Variants in SOHLH2 observed in about 807,000 individuals in gnomAD.
SOHLH2 encodes the protein spermatogenesis and oogenesis specific basic helix-loop-helix 2.
Under a neutral mutation model 50.4 loss-of-function variants are expected in SOHLH2, and 22 were observed. The observed-to-expected ratio is 0.44, with a 90% CI of 0.31 to 0.62. The LOEUF is 0.62. SOHLH2 is among the 20% of genes least tolerant of loss of function. The pLI is 0.08. For synonymous variants in SOHLH2, 185 were observed against 187.3 expected, an observed-to-expected ratio of 0.99 and a Z score of 0.10; for missense variants, 412 against 504.4, an observed-to-expected ratio of 0.82 and a Z score of 1.76.
At chr13:36,206,186 T>A (rs1241253633) in intron 1 of SOHLH2, among the ~76,000 whole-genome samples, 1 of 152,068 alleles carries the variant, frequency 6.6e-6, no homozygotes, top group Non-Finnish European at 1.5e-5. Flanking sequence ...TCAGTTGCAC[T>A]AGCCATATTT....
At chr13:36,203,434 T>C (rs1868548483) in intron 1 of SOHLH2, among the ~76,000 whole-genome samples, 1 of 152,238 alleles carries the variant, frequency 6.6e-6, no homozygotes, top group Non-Finnish European at 1.5e-5. Flanking sequence ...CCAGTCTTCC[T>C]TATTTTCGAT....
At chr13:36,182,052 A>G (rs1566037795) in intron 6 of SOHLH2, 3 of 982,404 alleles carry the variant, frequency 3.1e-6, no homozygotes, top group Non-Finnish European at 3.6e-6. Flanking sequence ...CCAATAGTAT[A>G]TATTTATTTG....
chr13:36,181,095 C>T (rs892909348), intron 6 of SOHLH2, among the ~76,000 whole-genome samples: 1 of 152,246 alleles, frequency 6.6e-6, no homozygotes, highest in East Asian at 1.9e-4. Flanking sequence ...GAAAAGTTGA[C>T]GCTTGTATCA....
At chr13:36,176,437 C>G (rs1184654455) in intron 6 of SOHLH2, among the ~76,000 whole-genome samples, 1 of 152,138 alleles carries the variant, frequency 6.6e-6, no homozygotes, top group Non-Finnish European at 1.5e-5. Context: ...TAAGAGTCTA[C>G]AGTTAACATT....
intron 9 of SOHLH2, among the ~76,000 whole-genome samples, chr13:36,172,263 T>C (rs1224461871): frequency 2.0e-5 from 3 of 152,196 alleles, no homozygotes; most frequent in Admixed American, 2.0e-4. Context: ...TACAAAAAAA[T>C]AACATTGACA....
chr13:36,168,933 C>A lies in SOHLH2; in HGVS notation c.*101G>T, dbSNP rs1886890025. 1 of 1,521,338 alleles carries A rather than the reference C, an allele frequency of 6.6e-7. No homozygotes were observed. The highest frequency in any genetic ancestry group is 1.4e-5 in the African/African-American group (1 of 71,022). The allele number at this position is 1,521,338 out of a possible 1,614,324, so 94.2% of individuals were successfully genotyped here. ...CATGCCAACTCTTTTGATATTAGGT[C>A]TTTGGGTGGAGCTTTCAAAATCATT... On this transcript the variant is annotated 3_prime_UTR_variant, in exon 11 of 11. Transcript: ENST00000379881.
At chr13:36,201,288 C>A (rs956893463) in intron 2 of SOHLH2, among the ~76,000 whole-genome samples, 1 of 151,988 alleles carries the variant, frequency 6.6e-6, no homozygotes, top group African/African-American at 2.4e-5. Flanking sequence ...TTTAATGATA[C>A]AGTTATTAAA....
chr13:36,183,286 C>T (rs1887310415), intron 6 of SOHLH2: 3 of 208,320 alleles, frequency 1.4e-5, no homozygotes, highest in Admixed American at 4.2e-5. Context: ...AATGGACTAA[C>T]ACAATAACAT....
intron 10 of SOHLH2, among the ~76,000 whole-genome samples, chr13:36,170,099 G>A (rs1291444755): frequency 3.9e-5 from 6 of 152,140 alleles, no homozygotes; most frequent in African/African-American, 1.4e-4. Flanking sequence ...CAGCCTGGCT[G>A]GTGACTGAAA....
chr13:36,170,393 A>T, intron 10 of SOHLH2, 138 bp downstream of exon 10: 1 of 1,400,472 alleles, frequency 7.1e-7, no homozygotes, highest in Non-Finnish European at 9.4e-7. Flanking sequence ...CTTTTCACTC[A>T]TCAGGGTAGA....
rs779157741 is a variant in SOHLH2, at chr13:36,170,542, G to A, written c.1246C>T (p.Pro416Ser). 6.2e-7 allele frequency: 1 copy of A among 1,614,012 alleles called. No individual in the cohort carries two copies. Among genetic ancestry groups the A allele is most frequent in the Non-Finnish European group, 8.5e-7 (1 of 1,179,934 alleles). The change falls in exon 10 of 11, where the codon CCC (proline) becomes TCC (serine). Residue 416 changes from proline (P) to serine (S), a missense_variant. Transcript: ENST00000379881. ...SGLGQTCTTH[P>S]NCLQQFWAY Reference sequence around the variant, plus strand: ...CCCTGGAAACTTACCAGACAGTTGGGATGTGTAGTGCACGTCTGGCCCAAC... The same window carrying A: ...CCCTGGAAACTTACCAGACAGTTGGAATGTGTAGTGCACGTCTGGCCCAAC...
At chr13:36,182,101 TAC>T in intron 6 of SOHLH2, 1 of 985,358 alleles carries the variant, frequency 1.0e-6, no homozygotes, top group Non-Finnish European at 1.2e-6. Flanking sequence ...AGATTTCTAC[TAC>T]AGAGGCAAGA....
At chr13:36,169,367 G>C (rs1350249816) in intron 10 of SOHLH2, among the ~76,000 whole-genome samples, 1 of 151,988 alleles carries the variant, frequency 6.6e-6, no homozygotes, top group Non-Finnish European at 1.5e-5. Context: ...GCAACATTAC[G>C]ATATCTGTAG....
intron 2 of SOHLH2, among the ~76,000 whole-genome samples, chr13:36,196,417 T>C (rs1222346684): frequency 6.6e-6 from 1 of 152,136 alleles, no homozygotes; most frequent in Non-Finnish European, 1.5e-5. Flanking sequence ...AGAGCCACTA[T>C]GCCTAGCCTC....
At chr13:36,202,214 G>A (rs1226165910) in intron 1 of SOHLH2, 121 bp from the exon 2 acceptor site, 3 of 1,250,228 alleles carry the variant, frequency 2.4e-6, no homozygotes, top group Non-Finnish European at 3.3e-6. Context: ...TCCATATCTA[G>A]TCTGACTGGC....
At chr13:36,210,587 G>T (rs1869059550) in intron 1 of SOHLH2, among the ~76,000 whole-genome samples, 2 of 152,068 alleles carry the variant, frequency 1.3e-5, no homozygotes, top group South Asian at 2.1e-4. Flanking sequence ...TTACTTGAAG[G>T]AATCATCACA....
chr13:36,213,917 C>T (rs899092314), intron 1 of SOHLH2, among the ~76,000 whole-genome samples: 1 of 152,134 alleles, frequency 6.6e-6, no homozygotes, highest in Non-Finnish European at 1.5e-5. Context: ...AAATAAAAAT[C>T]ATCGTTCACA....
chr13:36,172,299 A>T (rs544314559), intron 9 of SOHLH2, among the ~76,000 whole-genome samples: 1 of 152,364 alleles, frequency 6.6e-6, no homozygotes, highest in East Asian at 1.9e-4. Context: ...CCTGATCTCT[A>T]TCTGATTTAA....
intron 10 of SOHLH2, 32 bp downstream of exon 10, chr13:36,170,499 C>G (rs751528377): frequency 1.2e-6 from 2 of 1,603,830 alleles, no homozygotes; most frequent in Admixed American, 3.4e-5. Context: ...GTGAAAGGGT[C>G]CAATCTGATC....
Sources: allele counts gnomAD v4.1 joint callset (sites outside exome capture counted in the v4.1 genomes callset), GRCh38; gene constraint gnomAD v4.1.1; transcripts MANE v1.5; gene names NCBI Gene and HGNC (gene_info 2026-07-23, HGNC 2026-07-21).